The following PDZD2 variants were observed in gnomAD, a reference collection of about 807,000 sequenced individuals.
The protein encoded by PDZD2 is PDZ domain-containing protein 2.
PDZD2 carries 90 observed loss-of-function variants against 220.7 expected under a neutral mutation model. The ratio of observed to expected loss-of-function variants is 0.41; its 90% CI spans 0.34 to 0.49. The LOEUF (loss-of-function observed/expected upper bound fraction) is 0.49, where lower values mean the gene tolerates loss of function less well. PDZD2 is among the 20% of genes least tolerant of loss of function. PDZD2 has a pLI of 0.28. For missense variants in PDZD2, 3,174 were observed against 3,608.5 expected, an observed-to-expected ratio of 0.88 and a Z score of 3.08; for synonymous variants, 1,375 against 1,450.5, an observed-to-expected ratio of 0.95 and a Z score of 1.18.
rs1315930970 is a variant in PDZD2, at chr5:31,668,082, T to C, written c.-361+28645T>C. On this transcript the variant is annotated intron_variant, in intron 1 of 24. Transcript: ENST00000438447. ...TTCACCATATTGGCCAGGCTGGTCT[T>C]GAACTCCTGACTTTGTGATCTGCCC... 2.0e-5 allele frequency among the ~76,000 whole-genome samples: 3 copies of C among 152,016 alleles called. No individual in the cohort carries two copies. The East Asian group carries it at 5.8e-4, about 29-fold the overall frequency.
At position 31,880,990 on chromosome 5, in the gene PDZD2, C is replaced by T. The variant is rs572206959; in HGVS notation, c.476+81266C>T. The stretch of plus-strand genomic sequence containing the variant: ...CTAATTTCTGTATTTTTAGTAGAGA[C>T]GGGGTTTCACCACGTTGGCCAGCCT... On this transcript the variant is annotated intron_variant, in intron 2 of 24. Transcript: ENST00000438447. Among the ~76,000 whole-genome samples, 391 of 151,414 alleles carry T rather than the reference C, an allele frequency of 2.6e-3. 1 individual carries two copies. Among genetic ancestry groups the T allele is most frequent in the African/African-American group, 9.1e-3 (378 of 41,350 alleles).
At chr5:31,978,227 A>G (rs1363088826) in intron 2 of PDZD2, among the ~76,000 whole-genome samples, 2 of 152,188 alleles carry the variant, frequency 1.3e-5, no homozygotes, top group Non-Finnish European at 2.9e-5. Flanking sequence ...TCTAGAGGAC[A>G]TGATTGTATT....
intron 1 of PDZD2, chr5:31,661,594 C>T (rs1461390682): frequency 1.3e-5 from 2 of 152,174 alleles, no homozygotes; most frequent in Non-Finnish European, 2.9e-5. Flanking sequence ...AACTTATCCT[C>T]TCTTCTCCTC....
intron 2 of PDZD2, among the ~76,000 whole-genome samples, chr5:31,896,667 T>C (rs1741599856): frequency 6.6e-6 from 1 of 152,188 alleles, no homozygotes; most frequent in African/African-American, 2.4e-5. Flanking sequence ...ACAATAATCT[T>C]ATTTTACTGG....
intron 2 of PDZD2, among the ~76,000 whole-genome samples, chr5:31,982,574 T>A (rs1012376487): frequency 4.6e-5 from 7 of 152,156 alleles, no homozygotes; most frequent in Admixed American, 3.3e-4. Flanking sequence ...CCCAAAGCGC[T>A]GGATTACAGG....
At chr5:31,793,998 T>C (rs1168733712) in intron 1 of PDZD2, among the ~76,000 whole-genome samples, 1 of 152,114 alleles carries the variant, frequency 6.6e-6, no homozygotes, top group Non-Finnish European at 1.5e-5. Context: ...CAGGTGGCCA[T>C]ATTAGTTTGA....
chr5:32,071,304 C>T, intron 15 of PDZD2, 80 bp from the exon 16 acceptor site: 2 of 1,029,152 alleles, frequency 1.9e-6, no homozygotes, highest in South Asian at 2.5e-5. Context: ...TTGCCGCCTC[C>T]TTTTCTAGTT....
chr5:31,960,176 T>TTTCC (rs567923823), intron 2 of PDZD2, among the ~76,000 whole-genome samples: 2 of 145,328 alleles, frequency 1.4e-5, no homozygotes, highest in East Asian at 3.9e-4. Context: ...CTTTCTTTTC[T>TTTCC]TTCCTTCCTT....
At chr5:31,983,728 C>G in intron 3 of PDZD2, 72 bp downstream of exon 3, 1 of 1,439,730 alleles carries the variant, frequency 6.9e-7, no homozygotes, top group Admixed American at 2.0e-5. Flanking sequence ...GCAGCCCAGC[C>G]CATGCGGGAA....
intron 19 of PDZD2, among the ~76,000 whole-genome samples, chr5:32,084,197 G>A (rs1269359717): frequency 6.6e-6 from 1 of 152,232 alleles, no homozygotes; most frequent in African/African-American, 2.4e-5. Context: ...AAAGCTAGTA[G>A]CTAGTACGGT....
chr5:31,710,755 G>T (rs778778592), intron 1 of PDZD2, among the ~76,000 whole-genome samples: 1 of 151,454 alleles, frequency 6.6e-6, no homozygotes, highest in Non-Finnish European at 1.5e-5. Flanking sequence ...GGTGGAGGTT[G>T]CAGTGAGCCG....
At chr5:31,802,691 C>A (rs910927537) in intron 2 of PDZD2, among the ~76,000 whole-genome samples, 1 of 152,016 alleles carries the variant, frequency 6.6e-6, no homozygotes, top group East Asian at 1.9e-4. Flanking sequence ...GAGGCCGAGG[C>A]GGGCAGATCA....
intron 2 of PDZD2, among the ~76,000 whole-genome samples, chr5:31,898,075 G>A (rs1741735926): frequency 6.6e-6 from 1 of 152,106 alleles, no homozygotes; most frequent in South Asian, 2.1e-4. Flanking sequence ...CGTCTAGAGG[G>A]TGGACACTCA....
chr5:31,883,041 A>G (rs1740073464), intron 2 of PDZD2, among the ~76,000 whole-genome samples: 2 of 150,130 alleles, frequency 1.3e-5, no homozygotes, highest in East Asian at 3.9e-4. Context: ...AAAAAAAAAA[A>G]AAAAAAAGGC....
At chr5:32,105,645 G>C (rs1369042732) in intron 24 of PDZD2, among the ~76,000 whole-genome samples, 2 of 152,310 alleles carry the variant, frequency 1.3e-5, no homozygotes, top group Middle Eastern at 3.4e-3. Context: ...GCCAAATGCA[G>C]ATTGTGCACT....
At chr5:32,003,116 CCACGCGCCACA>C (rs1179981025) in intron 5 of PDZD2, among the ~76,000 whole-genome samples, 742 of 38,726 alleles carry the variant, frequency 0.019, 21 homozygotes, top group African/African-American at 0.023. Flanking sequence ...CACAAACACA[CCACGCGCCACA>C]CACACACCAC....
chr5:31,862,992 GTGGCAATCCCACGCCTGC>G (rs1254387234), intron 2 of PDZD2, among the ~76,000 whole-genome samples: 1 of 152,162 alleles, frequency 6.6e-6, no homozygotes, highest in Non-Finnish European at 1.5e-5. Context: ...CTCCCAAGGC[GTGGCAATCCCACGCCTGC>G]TGGGATTACA....
chr5:32,022,184 TG>T (rs1426064781), intron 6 of PDZD2, among the ~76,000 whole-genome samples: 13 of 94,174 alleles, frequency 1.4e-4, no homozygotes, highest in South Asian at 3.4e-4. Flanking sequence ...TTTGTTTTTT[TG>T]TTTTTTTGTT....
chr5:32,043,249 G>C (rs1472126799), intron 7 of PDZD2, among the ~76,000 whole-genome samples: 1 of 152,166 alleles, frequency 6.6e-6, no homozygotes, highest in African/African-American at 2.4e-5. Flanking sequence ...CTATTCCAGG[G>C]CTGGCCACTG....
Sources: gnomAD v4.1 joint callset for allele counts (sites outside exome capture counted in the v4.1 genomes callset) on GRCh38, gnomAD v4.1.1 for gene constraint, MANE v1.5 for transcripts, NCBI Gene and HGNC (gene_info 2026-07-23, HGNC 2026-07-21) for gene names.